Variants in ERBB2 observed in about 807,000 individuals in gnomAD.
ERBB2 encodes erb-b2 receptor tyrosine kinase 2.
Under a neutral mutation model 149.0 loss-of-function variants are expected in ERBB2, and 61 were observed. That is an observed-to-expected ratio of 0.41 (90% CI 0.33 to 0.51). The LOEUF is 0.51. Among genes scored for constraint, ERBB2 ranks in the 20% least tolerant of loss-of-function variants. The pLI is 0.25. For synonymous variants in ERBB2, 633 were observed against 678.8 expected, an observed-to-expected ratio of 0.93 and a Z score of 1.05; for missense variants, 1,205 against 1,655.1, an observed-to-expected ratio of 0.73 and a Z score of 4.72.
At chr17:39,691,866 G>GATAGATATAGATATAGATATAGAT (rs1257738808), upstream of ERBB2, among the ~76,000 whole-genome samples, 87 of 128,696 alleles carry the variant, frequency 6.8e-4, no homozygotes, top group Non-Finnish European at 9.4e-4. Flanking sequence ...AAACCTTCAT[G>GATAGATATAGATATAGATATAGAT]ATAGATATAG....
intron 8 of ERBB2, 25 bp from the exon 9 acceptor site, chr17:39,712,297 T>TGCCCCCCC: frequency 6.2e-7 from 1 of 1,610,858 alleles, no homozygotes; most frequent in Non-Finnish European, 8.5e-7. Context: ...GACGGCCCCT[T>TGCCCCCCC]CCCCACCCAC....
upstream of ERBB2, among the ~76,000 whole-genome samples, chr17:39,690,671 A>T (rs1344146778): frequency 3.3e-5 from 5 of 152,168 alleles, no homozygotes; most frequent in African/African-American, 1.2e-4. Context: ...CCAACTTTCT[A>T]GCCTGGAGCC....
Position 39,726,673 on chromosome 17 carries a change from G to A in ERBB2, c.2970+14G>A, listed in dbSNP as rs2143144905. 2 of 1,612,556 alleles carry A rather than the reference G, an allele frequency of 1.2e-6. No homozygotes were observed. Among genetic ancestry groups the A allele is most frequent in the South Asian group, 2.2e-5 (2 of 91,056 alleles). ...GTGGTCATCCAGGTACTGGGCCTCTGTGCCCCATCCCTGCCTGTGGCTAAG... is the reference window on the plus strand; with the variant it reads ...GTGGTCATCCAGGTACTGGGCCTCTATGCCCCATCCCTGCCTGTGGCTAAG... On this transcript the variant is annotated intron_variant, in intron 24 of 26. Coordinates refer to ENST00000269571, the MANE Select transcript of ERBB2 (RefSeq NM_004448.4). The surrounding 1 kb of genome is among the most constrained non-coding windows in gnomAD (Gnocchi z 5.1).
In ERBB2 at chr17:39,715,809, G is replaced by A. The variant is rs1168181540; in HGVS notation, c.1383G>A (p.Leu461=). The part of the protein sequence containing the change: ...SWLGLRSLRE[L]GSGLALIHHN... ...TGGGGCTGCGCTCACTGAGGGAACTGGGCAGTGGACTGGCCCTCATCCACC... is the reference window on the plus strand; with the variant it reads ...TGGGGCTGCGCTCACTGAGGGAACTAGGCAGTGGACTGGCCCTCATCCACC... The change falls in exon 12 of 27, where the codon CTG becomes CTA. Residue 461 remains leucine (L), a synonymous_variant. Transcript: ENST00000269571. 3.1e-6 allele frequency: 5 copies of A among 1,610,772 alleles called. No homozygotes were observed. In the East Asian group the frequency reaches 8.9e-5, roughly 29 times the overall value.
Position 39,725,308 on chromosome 17 carries a change from T to G in ERBB2, c.2650-19T>G. The G allele has an allele frequency of 6.2e-7, 1 of 1,613,688 alleles. No individual in the cohort carries two copies. ...CCCCACAACACACAGTTGGAGGACT[T>G]CCTCTTCTGCCCTCCCAGGTGCCCA... On this transcript the variant is annotated intron_variant, in intron 21 of 26. Transcript: ENST00000269571. The surrounding 1 kb of genome is among the most constrained non-coding windows in gnomAD (Gnocchi z 4.6).
At position 39,716,515 on chromosome 17, in the gene ERBB2, G is replaced by A. The variant is rs775974838; in HGVS notation, c.1647G>A (p.Gly549=). ...ECVEECRVLQ[G]LPREYVNARH... is the part of the protein sequence containing the mutation. ...CCCTCACCACTGTCCCTTCTCTCAGGCTCCCCAGGGAGTATGTGAATGCCA... is the reference window on the plus strand; with the variant it reads ...CCCTCACCACTGTCCCTTCTCTCAGACTCCCCAGGGAGTATGTGAATGCCA... Residue 549 remains glycine (G), a splice_region_variant and synonymous_variant, in exon 14 of 27, where the codon GGG becomes GGA. Transcript: ENST00000269571. The A allele has an allele frequency of 6.2e-7, 1 of 1,614,128 alleles. No individual in the cohort carries two copies. The highest frequency in any genetic ancestry group is 8.5e-7 in the Non-Finnish European group (1 of 1,179,996).
rs983576212 is a variant in ERBB2 at position 39,715,935 on chromosome 17, G to A, written c.1509G>A (p.Glu503=). ...LLHTANRPED[E]CVGEGLACHQ... ...ACACTGCCAACCGGCCAGAGGACGA[G>A]TGTGGTAAGACAGGGAGCCCAGTGT... Residue 503 remains glutamate (E), a synonymous_variant, in exon 12 of 27, where the codon GAG becomes GAA. Coordinates refer to ENST00000269571, the MANE Select transcript of ERBB2 (RefSeq NM_004448.4). 8 of 1,608,558 alleles carry A rather than the reference G, an allele frequency of 5.0e-6. No individual in the cohort carries two copies. Among genetic ancestry groups the A allele is most frequent in the African/African-American group, 2.7e-5 (2 of 74,944 alleles).
chr17:39,726,766 CA>C lies in ERBB2; in HGVS notation c.2971-48del. ...ATGCCAGGCCCCTCACGGAAGGCTG[CA>C]TGCTGGGCTGGGGAGGGGCCACCAT... On this transcript the variant is annotated intron_variant, in intron 24 of 26. Coordinates refer to ENST00000269571, the MANE Select transcript of ERBB2 (RefSeq NM_004448.4). This position sits in a 1 kb window ranked among gnomAD's most constrained non-coding sequence, Gnocchi z 5.1. 6.3e-7 allele frequency: 1 copy of C among 1,594,208 alleles called. No homozygotes were observed. The highest frequency in any genetic ancestry group is 8.6e-7 in the Non-Finnish European group (1 of 1,162,524).
At position 39,727,930 on chromosome 17, in the gene ERBB2, CA is replaced by C; in HGVS notation, c.3656del (p.Asn1219ThrfsTer83). ...CTCCTGCCTTCAGCCCAGCCTTCGA[CA>C]ACCTCTATTACTGGGACCAGGACCC... ...PPPAFSPAFDNLYYWDQDPPE... is the reference protein window; with the variant it reads ...PPPAFSPAFDXLYYWDQDPPE... On this transcript the variant is annotated frameshift_variant, in exon 27 of 27. Transcript: ENST00000269571. LOFTEE classifies it high-confidence loss of function. The surrounding 1 kb of genome is among the most constrained non-coding windows in gnomAD (Gnocchi z 4.3). 6.2e-7 allele frequency: 1 copy of C among 1,614,184 alleles called. No homozygotes were observed. The highest frequency in any genetic ancestry group is 8.5e-7 in the Non-Finnish European group (1 of 1,180,020).
In ERBB2 at chr17:39,710,404, A is replaced by G; in HGVS notation, c.824A>G (p.Asn275Ser). 1.2e-6 allele frequency: 2 copies of G among 1,614,116 alleles called. No individual in the cohort carries two copies. Among genetic ancestry groups the G allele is most frequent in the Non-Finnish European group, 1.7e-6 (2 of 1,180,028 alleles). ...CACTGCCCAGCCCTGGTCACCTACAACACAGACACGTTTGAGTCCATGCCC... is the reference window on the plus strand; with the variant it reads ...CACTGCCCAGCCCTGGTCACCTACAGCACAGACACGTTTGAGTCCATGCCC... ...ELHCPALVTYNTDTFESMPNP... is the reference protein window; with the variant it reads ...ELHCPALVTYSTDTFESMPNP... Residue 275 changes from asparagine (N) to serine (S), a missense_variant, in exon 7 of 27, where the codon AAC (asparagine) becomes AGC (serine). Asn to Ser is a conservative substitution (Grantham distance 46). Coordinates refer to ENST00000269571, the MANE Select transcript of ERBB2 (RefSeq NM_004448.4).
chr17:39,690,995 C>A (rs2057682514), upstream of ERBB2, among the ~76,000 whole-genome samples: 1 of 149,024 alleles, frequency 6.7e-6, no homozygotes, highest in African/African-American at 2.5e-5. Flanking sequence ...GAGATCGTGC[C>A]ATTGCACTCC....
At chr17:39,695,818 G>A (rs1039287438), upstream of ERBB2, among the ~76,000 whole-genome samples, 5 of 147,896 alleles carry the variant, frequency 3.4e-5, no homozygotes, top group African/African-American at 9.9e-5. Context: ...TTCACAGGCC[G>A]CTGGTTGCAG....
chr17:39,699,439 C>T (rs112219669), upstream of ERBB2: 410 of 981,872 alleles, frequency 4.2e-4, 2 homozygotes, highest in African/African-American at 4.9e-3. Context: ...CCAGCCTGGG[C>T]AACAAGAGCA....
intron 9 of ERBB2, among the ~76,000 whole-genome samples, chr17:39,714,767 C>A (rs977941400): frequency 6.7e-6 from 1 of 149,156 alleles, no homozygotes; most frequent in Admixed American, 6.7e-5. Flanking sequence ...AATAAGATTT[C>A]TTTTCTTTTT....
chr17:39,708,191 T>C (rs1391133954), intron 2 of ERBB2, 130 bp from the exon 3 acceptor site: 1 of 625,786 alleles, frequency 1.6e-6, no homozygotes, highest in East Asian at 2.8e-5. Context: ...TATCGTTTTA[T>C]TTAAGCGGGA....
At chr17:39,695,169 G>A, upstream of ERBB2, 1 of 152,628 alleles carries the variant, frequency 6.6e-6, no homozygotes, top group East Asian at 1.9e-4. Flanking sequence ...TTGTGGACAT[G>A]CACAAAAGTG....
intron 2 of ERBB2, chr17:39,707,424 C>T (rs972559896): frequency 6.2e-6 from 2 of 324,704 alleles, no homozygotes; most frequent in African/African-American, 4.3e-5. Flanking sequence ...CCCCTGTCCA[C>T]CTGCTCCAGC....
rs1195134831 is a variant in ERBB2 at position 39,724,929 on chromosome 17, T to G, written c.2493+18T>G. ...TTGCCAAGGTATGCACCTGGGCTCT[T>G]TGCAGGTCTCTCCGGAGCAAACCCC... On this transcript the variant is annotated intron_variant, in intron 20 of 26. Transcript: ENST00000269571. 6.2e-7 allele frequency: 1 copy of G among 1,612,200 alleles called. No individual in the cohort carries two copies.
Position 39,725,610 on chromosome 17 carries a change from C to A in ERBB2, c.2726-97C>A. On this transcript the variant is annotated intron_variant, in intron 22 of 26. Coordinates refer to ENST00000269571, the MANE Select transcript of ERBB2 (RefSeq NM_004448.4). The surrounding 1 kb of genome is among the most constrained non-coding windows in gnomAD (Gnocchi z 4.6). The stretch of plus-strand genomic sequence containing the variant: ...TCTCCTGGCATCACATCTCCCCCTG[C>A]TACCTGCCATGATGCTAGACTCCTG... 2 of 1,385,478 alleles carry A rather than the reference C, an allele frequency of 1.4e-6. No homozygotes were observed. Among genetic ancestry groups the A allele is most frequent in the Non-Finnish European group, 2.0e-6 (2 of 1,007,268 alleles). The allele number at this position is 1,385,478 out of a possible 1,614,324, so 85.8% of individuals were successfully genotyped here.
Sources: allele counts gnomAD v4.1 joint callset (sites outside exome capture counted in the v4.1 genomes callset), GRCh38; gene constraint gnomAD v4.1.1; non-coding constraint Gnocchi (gnomAD v3.1); transcripts MANE v1.5; gene names NCBI Gene and HGNC (gene_info 2026-07-23, HGNC 2026-07-21).